Variants in LIMCH1 observed in about 807,000 individuals in gnomAD.
LIMCH1 encodes the protein LIM and calponin homology domains 1.
Under a neutral mutation model 176.5 loss-of-function variants are expected in LIMCH1, and 113 were observed. The ratio of observed to expected loss-of-function variants is 0.64; its 90% CI spans 0.55 to 0.75. The LOEUF is 0.75. LIMCH1 is among the 30% of genes least tolerant of loss of function. LIMCH1 has a pLI of 0.00. For synonymous variants in LIMCH1, 619 were observed against 645.9 expected (o/e 0.96, Z 0.63); for missense variants, 1,674 against 1,814.9 (o/e 0.92, Z 1.41).
chr4:41,508,469 A>T lies in LIMCH1; in HGVS notation c.167+13863A>T, dbSNP rs10015141. On this transcript the variant is annotated intron_variant, in intron 2 of 26. Coordinates refer to the LIMCH1 transcript ENST00000313860. ...AGAGTCCTGTAGGCTGTTGGGGATG[A>T]GGGCCTGGCTCTTAGAGGTGAGACG... is the stretch of plus-strand genomic sequence containing the variant. Among the ~76,000 whole-genome samples, 279 of 152,230 alleles carry T rather than the reference A, an allele frequency of 1.8e-3. 2 individuals are homozygous for T. The highest frequency in any genetic ancestry group is 6.3e-3 in the African/African-American group (262 of 41,548).
intron 14 of LIMCH1, among the ~76,000 whole-genome samples, chr4:41,639,767 G>A (rs1290217252): frequency 1.3e-5 from 2 of 151,886 alleles, no homozygotes; most frequent in East Asian, 3.8e-4. Context: ...ATTTGTATTT[G>A]AAGAAACATG....
At chr4:41,551,779 G>C (rs1330553531) in intron 1 of LIMCH1, among the ~76,000 whole-genome samples, 2 of 152,070 alleles carry the variant, frequency 1.3e-5, no homozygotes, top group East Asian at 3.9e-4. Context: ...TAGTATCCAT[G>C]GCTACTTTCA....
intron 1 of LIMCH1, among the ~76,000 whole-genome samples, chr4:41,441,866 C>T (rs1171976144): frequency 1.3e-5 from 2 of 152,032 alleles, no homozygotes; most frequent in African/African-American, 4.8e-5. Context: ...TAGGTTTTTG[C>T]TGTCGTCGTT....
At chr4:41,492,438 G>A (rs1474919579) in intron 1 of LIMCH1, among the ~76,000 whole-genome samples, 1 of 146,354 alleles carries the variant, frequency 6.8e-6, no homozygotes, top group Non-Finnish European at 1.5e-5. Flanking sequence ...CCCAGAGGGA[G>A]AAGGGGAGGG....
At chr4:41,462,531 A>T (rs1239381212) in intron 1 of LIMCH1, among the ~76,000 whole-genome samples, 1 of 152,240 alleles carries the variant, frequency 6.6e-6, no homozygotes, top group Non-Finnish European at 1.5e-5. Flanking sequence ...AGCACTTGGC[A>T]TAGAAAAGCA....
At chr4:41,399,331 G>C (rs762821358) in intron 1 of LIMCH1, among the ~76,000 whole-genome samples, 1 of 152,176 alleles carries the variant, frequency 6.6e-6, no homozygotes, top group Non-Finnish European at 1.5e-5. Flanking sequence ...GATGAAGGGG[G>C]CAGAGAAAAG....
chr4:41,405,011 T>C (rs901558929), intron 1 of LIMCH1, among the ~76,000 whole-genome samples: 3 of 152,146 alleles, frequency 2.0e-5, no homozygotes, highest in African/African-American at 2.4e-5. Context: ...AACCCATTTT[T>C]TCTGTCTTGT....
At chr4:41,421,755 G>A (rs1052992824) in intron 1 of LIMCH1, among the ~76,000 whole-genome samples, 3 of 152,070 alleles carry the variant, frequency 2.0e-5, no homozygotes, top group Admixed American at 2.0e-4. Context: ...AAAAGAATAC[G>A]ATTAAAAAGA....
intron 1 of LIMCH1, among the ~76,000 whole-genome samples, chr4:41,588,048 T>C (rs967441324): frequency 6.6e-6 from 1 of 152,102 alleles, no homozygotes; most frequent in Admixed American, 6.5e-5. Flanking sequence ...ACTCGTCAAT[T>C]AGCATTAGGT....
chr4:41,491,722 C>T, intron 1 of LIMCH1, among the ~76,000 whole-genome samples: 1 of 148,492 alleles, frequency 6.7e-6, no homozygotes, highest in Non-Finnish European at 1.5e-5. Context: ...TCCTCACTTC[C>T]CAGATGGGGG....
chr4:41,638,102 T>TTTGTTGTTGTTGTTG (rs146967384), intron 13 of LIMCH1, among the ~76,000 whole-genome samples: 1 of 87,046 alleles, frequency 1.1e-5, no homozygotes, highest in Non-Finnish European at 2.7e-5. Context: ...GCTGTGTTGT[T>TTTGTTGTTGTTGTTG]TTGTTGTTGT....
In LIMCH1 at chr4:41,697,287, C is replaced by G; in HGVS notation, c.*102C>G. On this transcript the variant is annotated 3_prime_UTR_variant, in exon 32 of 32. Coordinates refer to ENST00000503057, the MANE Select transcript of LIMCH1 (RefSeq NM_001330672.2). ...AAGCTCAGGGGCTTCTCAGCATTTA[C>G]CTAATTTCTGAAAGGCTCTTCTGAA... The G allele has an allele frequency of 9.6e-7, 1 of 1,042,508 alleles. No individual in the cohort carries two copies. Among genetic ancestry groups the G allele is most frequent in the Non-Finnish European group, 1.5e-6 (1 of 673,946 alleles). The allele number at this position is 1,042,508 out of a possible 1,614,324, so 64.6% of individuals were successfully genotyped here. A position where few individuals can be genotyped will look rare whatever the true frequency, so the allele number is the denominator to read the frequency against.
intron 1 of LIMCH1, among the ~76,000 whole-genome samples, chr4:41,567,426 A>G (rs2082920614): frequency 6.6e-6 from 1 of 152,224 alleles, no homozygotes; most frequent in South Asian, 2.1e-4. Context: ...ACTTGCTCTC[A>G]GCCAAATAAG....
At chr4:41,451,629 C>G (rs1046569568) in intron 1 of LIMCH1, among the ~76,000 whole-genome samples, 1 of 152,084 alleles carries the variant, frequency 6.6e-6, no homozygotes. Flanking sequence ...CTCAACATTG[C>G]GTCTTTCATC....
intron 1 of LIMCH1, among the ~76,000 whole-genome samples, chr4:41,374,779 C>T (rs10024605): frequency 0.058 from 8,880 of 152,152 alleles, 857 homozygotes; most frequent in African/African-American, 0.2. Flanking sequence ...TGGCTTTATG[C>T]TCTGGCTTTA....
intron 1 of LIMCH1, among the ~76,000 whole-genome samples, chr4:41,415,434 A>T (rs930500627): frequency 1.3e-5 from 2 of 152,004 alleles, no homozygotes; most frequent in African/African-American, 4.8e-5. Flanking sequence ...GAGAAATTTT[A>T]TGGCAATAAT....
chr4:41,482,319 A>G (rs867571523), intron 1 of LIMCH1, among the ~76,000 whole-genome samples: 42 of 152,278 alleles, frequency 2.8e-4, no homozygotes, highest in Middle Eastern at 3.4e-3. Context: ...TACCCGGGGA[A>G]GGAGGTAGGG....
intron 7 of LIMCH1, among the ~76,000 whole-genome samples, chr4:41,621,076 A>G (rs542798710): frequency 6.6e-6 from 1 of 152,362 alleles, no homozygotes; most frequent in East Asian, 1.9e-4. Flanking sequence ...ATCACTAGAA[A>G]AATAGTCTGT....
intron 1 of LIMCH1, among the ~76,000 whole-genome samples, chr4:41,587,034 A>C (rs186678597): frequency 6.6e-6 from 1 of 152,346 alleles, no homozygotes; most frequent in African/African-American, 2.4e-5. Flanking sequence ...TTCATTTTGT[A>C]GTTGGTTCTC....
Sources: gnomAD v4.1 joint callset for allele counts (sites outside exome capture counted in the v4.1 genomes callset) on GRCh38, gnomAD v4.1.1 for gene constraint, MANE v1.5 for transcripts, NCBI Gene and HGNC (gene_info 2026-07-23, HGNC 2026-07-21) for gene names.